The following GRIP1 variants were observed in gnomAD, a reference collection of about 807,000 sequenced individuals.
GRIP1 encodes glutamate receptor-interacting protein 1.
Under a neutral mutation model 129.9 loss-of-function variants are expected in GRIP1, and 45 were observed. The ratio of observed to expected loss-of-function variants is 0.35; its 90% confidence interval spans 0.27 to 0.44. GRIP1 has a LOEUF of 0.44. Ranked by LOEUF, GRIP1 falls within the 20% of genes least tolerant of loss-of-function variation. The pLI, the probability that GRIP1 is intolerant of heterozygous loss-of-function variation, is 1.00. For missense variants in GRIP1, 1,196 were observed against 1,396.8 expected, an observed-to-expected ratio of 0.86 and a Z score of 2.29; for synonymous variants, 530 against 520.8, an observed-to-expected ratio of 1.02 and a Z score of -0.24.
intron 1 of GRIP1, among the ~76,000 whole-genome samples, chr12:67,005,885 A>G (rs2042618647): frequency 6.6e-6 from 1 of 152,218 alleles, no homozygotes; most frequent in Admixed American, 6.5e-5. Flanking sequence ...CCAATGGTAA[A>G]GACTAGTGAC....
chr12:66,404,378 T>C (rs1251489113), intron 16 of GRIP1, among the ~76,000 whole-genome samples: 1 of 152,170 alleles, frequency 6.6e-6, no homozygotes, highest in Non-Finnish European at 1.5e-5. Context: ...TCATTATTGG[T>C]TGCAATGAAA....
intron 1 of GRIP1, among the ~76,000 whole-genome samples, chr12:67,016,173 C>T (rs1398068934): frequency 1.3e-5 from 2 of 152,158 alleles, no homozygotes; most frequent in South Asian, 4.1e-4. Flanking sequence ...ATAGCCTGTG[C>T]TTGTGTAAAA....
At chr12:66,740,306 G>T (rs2036748171) in intron 1 of GRIP1, among the ~76,000 whole-genome samples, 2 of 152,152 alleles carry the variant, frequency 1.3e-5, no homozygotes, top group African/African-American at 2.4e-5. Flanking sequence ...AGCTGGATCT[G>T]GCCATCTGAA....
At chr12:66,812,318 A>G (rs2039119636) in intron 1 of GRIP1, among the ~76,000 whole-genome samples, 1 of 152,154 alleles carries the variant, frequency 6.6e-6, no homozygotes, top group Non-Finnish European at 1.5e-5. Context: ...TATTTTTAGT[A>G]GAGATGGGGT....
At chr12:66,832,778 G>C (rs2039541600) in intron 1 of GRIP1, among the ~76,000 whole-genome samples, 1 of 152,158 alleles carries the variant, frequency 6.6e-6, no homozygotes, top group African/African-American at 2.4e-5. Context: ...AATTGGACAG[G>C]CATATTATGA....
At chr12:66,675,121 A>C (rs1284469004) in intron 1 of GRIP1, among the ~76,000 whole-genome samples, 1 of 152,174 alleles carries the variant, frequency 6.6e-6, no homozygotes, top group Non-Finnish European at 1.5e-5. Flanking sequence ...ATGATGAAAA[A>C]TGTTGAAGTC....
intron 14 of GRIP1, 52 bp from the exon 15 acceptor site, chr12:66,420,841 T>TG (rs768693792): frequency 2.1e-6 from 2 of 953,126 alleles, no homozygotes; most frequent in South Asian, 2.6e-5. Context: ...TATTCACCCC[T>TG]TACTGTACAT....
chr12:66,837,206 A>G (rs1268160446), intron 1 of GRIP1, among the ~76,000 whole-genome samples: 4 of 152,226 alleles, frequency 2.6e-5, no homozygotes, highest in African/African-American at 9.6e-5. Context: ...ATGAGCCATA[A>G]CAGGCCTGCG....
At chr12:66,978,591 C>G (rs993402824) in intron 1 of GRIP1, among the ~76,000 whole-genome samples, 1 of 152,186 alleles carries the variant, frequency 6.6e-6, no homozygotes, top group Non-Finnish European at 1.5e-5. Flanking sequence ...GCCCAGGCAT[C>G]AGGCTTCTGC....
chr12:67,016,636 G>A (rs1313223789), intron 1 of GRIP1, among the ~76,000 whole-genome samples: 1 of 152,062 alleles, frequency 6.6e-6, no homozygotes, highest in East Asian at 1.9e-4. Flanking sequence ...TTTGGAAAAA[G>A]GGAATTAAAG....
chr12:67,067,662 C>T (rs2043652856), intron 1 of GRIP1, among the ~76,000 whole-genome samples: 1 of 152,110 alleles, frequency 6.6e-6, no homozygotes, highest in East Asian at 1.9e-4. Context: ...AAACAGGATA[C>T]AAACCAAAGA....
At chr12:66,519,306 A>G (rs972093877) in intron 5 of GRIP1, among the ~76,000 whole-genome samples, 7 of 152,226 alleles carry the variant, frequency 4.6e-5, no homozygotes, top group African/African-American at 1.7e-4. Flanking sequence ...TCTTTAAAAT[A>G]AGAAATTCAC....
intron 1 of GRIP1, among the ~76,000 whole-genome samples, chr12:66,715,471 T>TGTGTGTGTGTGAGAGAGAGAGAGAGA (rs761155485): frequency 9.1e-6 from 1 of 110,058 alleles, no homozygotes; most frequent in African/African-American, 3.4e-5. Flanking sequence ...TGTGTGTGTG[T>TGTGTGTGTGTGAGAGAGAGAGAGAGA]GAGAGAGAGA....
At chr12:66,827,363 G>GGTGTGTGTGTGTGTGT (rs34267289) in intron 1 of GRIP1, among the ~76,000 whole-genome samples, 2 of 137,816 alleles carry the variant, frequency 1.5e-5, no homozygotes, top group African/African-American at 2.7e-5. Flanking sequence ...CTCAAAACCA[G>GGTGTGTGTGTGTGTGT]GTGTGTGTGT....
intron 1 of GRIP1, among the ~76,000 whole-genome samples, chr12:66,800,219 T>C (rs1223792488): frequency 6.6e-6 from 1 of 152,168 alleles, no homozygotes; most frequent in Non-Finnish European, 1.5e-5. Flanking sequence ...CCAGTTTCCC[T>C]GAAATGACCC....
chr12:66,691,788 C>T lies in GRIP1; in HGVS notation c.-419-61452G>A, dbSNP rs961156642. ...TAGATTCTCTCTCTTAACTTGTTTG[C>T]GTAGGGAAATGCAGGCGCTTAATTG... is the stretch of plus-strand genomic sequence containing the variant. On this transcript the variant is annotated intron_variant, in intron 1 of 4. Coordinates refer to the GRIP1 transcript ENST00000538373. Among the ~76,000 whole-genome samples the T allele has an allele frequency of 1.3e-5, 2 of 152,094 alleles. 1 individual carries two copies. The highest frequency in any genetic ancestry group is 3.9e-4 in the East Asian group (2 of 5,180).
chr12:66,946,667 A>G (rs1043589090), intron 1 of GRIP1, among the ~76,000 whole-genome samples: 7 of 150,940 alleles, frequency 4.6e-5, no homozygotes, highest in Non-Finnish European at 1.0e-4. Flanking sequence ...CTGCACACAC[A>G]TCCCAGGTGT....
At chr12:67,006,600 A>T (rs1439549734) in intron 1 of GRIP1, among the ~76,000 whole-genome samples, 1 of 152,190 alleles carries the variant, frequency 6.6e-6, no homozygotes, top group Non-Finnish European at 1.5e-5. Context: ...AAAATAAAAA[A>T]TAAACATTTT....
intron 5 of GRIP1, among the ~76,000 whole-genome samples, chr12:66,525,072 T>G (rs149742360): frequency 0.012 from 1,832 of 152,260 alleles, 42 homozygotes; most frequent in East Asian, 0.1. Flanking sequence ...CAGGAACAGA[T>G]GAATTCACAG....
Sources: gnomAD v4.1 joint callset for allele counts (sites outside exome capture counted in the v4.1 genomes callset) on GRCh38, gnomAD v4.1.1 for gene constraint, MANE v1.5 for transcripts, NCBI Gene and HGNC (gene_info 2026-07-23, HGNC 2026-07-21) for gene names.